FSD1L: variants seen among roughly 807,000 people sequenced by gnomAD.
FSD1L encodes the protein fibronectin type III and SPRY domain containing 1 like, also known as FSD1-like protein.
A neutral mutation model predicts 71.6 loss-of-function variants in FSD1L; 45 were observed. That is an observed-to-expected ratio of 0.63 (90% CI 0.49 to 0.81). The LOEUF is 0.81. Among genes scored for constraint, FSD1L ranks in the 30% least tolerant of loss-of-function variants. FSD1L has a pLI of 0.00. For missense variants in FSD1L, 561 were observed against 618.1 expected (o/e 0.91, Z 0.98); for synonymous variants, 197 against 207.2 (o/e 0.95, Z 0.42).
At position 105,550,858 on chromosome 9, in the gene FSD1L, A is replaced by G. The variant is rs1220917927; in HGVS notation, c.*4375A>G. 6.6e-6 allele frequency: 1 copy of G among 152,060 alleles called. No individual in the cohort carries two copies. The highest frequency in any genetic ancestry group is 1.9e-4 in the East Asian group (1 of 5,194). 9.4% of individuals were successfully genotyped at this position (152,060 alleles called of 1,614,324 possible). On this transcript the variant is annotated 3_prime_UTR_variant, in exon 14 of 14. Coordinates refer to ENST00000481272, the MANE Select transcript of FSD1L (RefSeq NM_001145313.3). ...ACTGACTTCTGATGCATAATCACTT[A>G]AGCTATGTGAGTTTAAACTGGTATC... is the stretch of plus-strand genomic sequence containing the variant.
At chr9:105,538,101 C>T (rs909168365) in intron 12 of FSD1L, among the ~76,000 whole-genome samples, 4 of 152,148 alleles carry the variant, frequency 2.6e-5, no homozygotes, top group African/African-American at 9.7e-5. Flanking sequence ...GTTTAGCAAG[C>T]ATTTTGAAAT....
At chr9:105,460,397 C>G (rs977826833) in intron 1 of FSD1L, among the ~76,000 whole-genome samples, 11 of 151,948 alleles carry the variant, frequency 7.2e-5, no homozygotes, top group African/African-American at 2.4e-4. Context: ...CGAGACCAGC[C>G]TGGCCAGCAT....
intron 13 of FSD1L, among the ~76,000 whole-genome samples, chr9:105,542,501 T>G (rs1046381000): frequency 6.6e-6 from 1 of 152,226 alleles, no homozygotes; most frequent in African/African-American, 2.4e-5. Flanking sequence ...TCACCCAGGC[T>G]AGAGTACAGT....
At chr9:105,514,099 C>T (rs1427304286) in intron 10 of FSD1L, among the ~76,000 whole-genome samples, 1 of 152,084 alleles carries the variant, frequency 6.6e-6, no homozygotes, top group Non-Finnish European at 1.5e-5. Context: ...CAAGACAGTT[C>T]CAGAAAGATG....
At chr9:105,472,317 C>T (rs972997979) in intron 5 of FSD1L, 2 of 271,834 alleles carry the variant, frequency 7.4e-6, no homozygotes, top group Non-Finnish European at 1.4e-5. Context: ...AGATAAATGC[C>T]CCCACTGCTT....
intron 10 of FSD1L, chr9:105,525,304 C>G: frequency 1.1e-5 from 17 of 1,608,560 alleles, no homozygotes; most frequent in Middle Eastern, 1.7e-4. Flanking sequence ...TGAACTCTTG[C>G]AGTATTTGGG....
chr9:105,472,302 A>G (rs1831527666), intron 5 of FSD1L: 1 of 294,024 alleles, frequency 3.4e-6, no homozygotes, highest in Non-Finnish European at 6.3e-6. Flanking sequence ...GTAACTTCTT[A>G]TTGCAGATAA....
At chr9:105,526,457 A>T in intron 10 of FSD1L, 5 of 1,612,680 alleles carry the variant, frequency 3.1e-6, no homozygotes, top group Non-Finnish European at 4.2e-6. Context: ...GGCCTCTCCA[A>T]TGTCTCCTCG....
rs149348806 is a variant in FSD1L at position 105,457,934 on chromosome 9, G to A, written c.16-3586G>A. 5.6e-3 allele frequency among the ~76,000 whole-genome samples: 852 copies of A among 152,370 alleles called. 10 individuals are homozygous for A. Among genetic ancestry groups the A allele is most frequent in the African/African-American group, 0.02 (824 of 41,582 alleles). The stretch of plus-strand genomic sequence containing the variant: ...AGTGGCTTCCTCTGTGGGTGCCTGC[G>A]TCTGGATGAAGTGAACACAGTGGTG... On this transcript the variant is annotated intron_variant, in intron 1 of 13. Coordinates refer to ENST00000481272, the MANE Select transcript of FSD1L (RefSeq NM_001145313.3).
At position 105,542,787 on chromosome 9, in the gene FSD1L, T is replaced by A. The variant is rs189742356; in HGVS notation, c.1467+3436T>A. On this transcript the variant is annotated intron_variant, in intron 13 of 13. Transcript: ENST00000481272. ...TTTAAGAGTTCTTTATAAGTTTGGA[T>A]GTGAATCCTTTGTCAGATATATGCT... 3.3e-4 allele frequency among the ~76,000 whole-genome samples: 51 copies of A among 152,346 alleles called. No homozygotes were observed. The East Asian group carries it at 3.5e-3, about 10-fold the overall frequency.
Position 105,548,194 on chromosome 9 carries a change from A to C in FSD1L, c.*1711A>C, listed in dbSNP as rs965172274. ...CAATAGATACTCTTTTGATTCTCCA[A>C]AGAAATATAATTTTGGTTTTTGTTC... On this transcript the variant is annotated 3_prime_UTR_variant, in exon 14 of 14. Transcript: ENST00000481272. 1 of 152,118 alleles carries C rather than the reference A, an allele frequency of 6.6e-6. No homozygotes were observed. The highest frequency in any genetic ancestry group is 2.4e-5 in the African/African-American group (1 of 41,448). 9.4% of individuals were successfully genotyped at this position (152,118 alleles called of 1,614,324 possible). A position where few individuals can be genotyped will look rare whatever the true frequency, so the allele number is the denominator to read the frequency against.
At chr9:105,468,637 G>A (rs1340783143) in intron 4 of FSD1L, among the ~76,000 whole-genome samples, 7 of 151,922 alleles carry the variant, frequency 4.6e-5, no homozygotes, top group African/African-American at 9.7e-5. Context: ...TGGGATTACA[G>A]GTGCCCACCA....
chr9:105,458,158 G>T (rs1362997902), intron 1 of FSD1L, among the ~76,000 whole-genome samples: 1 of 152,188 alleles, frequency 6.6e-6, no homozygotes, highest in Non-Finnish European at 1.5e-5. Context: ...CTGTCATGTG[G>T]GGCAGCCGCC....
At chr9:105,463,508 A>T (rs1830856828) in intron 2 of FSD1L, among the ~76,000 whole-genome samples, 1 of 152,218 alleles carries the variant, frequency 6.6e-6, no homozygotes, top group African/African-American at 2.4e-5. Flanking sequence ...AATTAAATTT[A>T]GTTCCTCAGT....
At chr9:105,540,763 G>T (rs1836560371) in intron 13 of FSD1L, among the ~76,000 whole-genome samples, 1 of 152,070 alleles carries the variant, frequency 6.6e-6, no homozygotes, top group Admixed American at 6.6e-5. Flanking sequence ...ATTACATCCT[G>T]TGTAATTGCA....
chr9:105,449,793 G>A (rs929472669), intron 1 of FSD1L, among the ~76,000 whole-genome samples: 4 of 68,326 alleles, frequency 5.9e-5, no homozygotes, highest in Non-Finnish European at 1.1e-4. Context: ...TGTGACTCCT[G>A]GAAGGTCATG....
At chr9:105,442,592 G>A in the FSD1L span, among the ~76,000 whole-genome samples, 54 of 152,192 alleles carry the variant, frequency 3.5e-4, 1 homozygote, top group African/African-American at 1.2e-3. Flanking sequence ...GCAGGCTGAG[G>A]TGCGAGGATG....
At chr9:105,511,244 C>T (rs781709567) in intron 9 of FSD1L, among the ~76,000 whole-genome samples, 3 of 151,496 alleles carry the variant, frequency 2.0e-5, no homozygotes, top group Non-Finnish European at 4.4e-5. Flanking sequence ...CCCTTCTCTC[C>T]AGCATAACAA....
chr9:105,455,390 T>A (rs1381336954), intron 1 of FSD1L, among the ~76,000 whole-genome samples: 2 of 152,178 alleles, frequency 1.3e-5, no homozygotes, highest in Non-Finnish European at 2.9e-5. Flanking sequence ...CTGGAGTCGA[T>A]GGAGGGGTTC....
Sources: allele counts gnomAD v4.1 joint callset (sites outside exome capture counted in the v4.1 genomes callset), GRCh38; gene constraint gnomAD v4.1.1; transcripts MANE v1.5; gene names NCBI Gene and HGNC (gene_info 2026-07-23, HGNC 2026-07-21).